Variants in ADGRF1 observed in about 807,000 individuals in gnomAD.
ADGRF1 encodes G protein-coupled receptor 110.
Under a neutral mutation model 87.2 loss-of-function variants are expected in ADGRF1, and 85 were observed. The ratio of observed to expected loss-of-function variants is 0.97; its 90% CI spans 0.82 to 1.17. The LOEUF (loss-of-function observed/expected upper bound fraction) is 1.17, where lower values mean the gene tolerates loss of function less well. Among genes scored for constraint, ADGRF1 ranks in the 50% most tolerant of loss-of-function variants. The pLI is 0.00. For missense variants in ADGRF1, 1,169 were observed against 1,077.2 expected (o/e 1.09, Z -1.19); for synonymous variants, 430 against 408.8 (o/e 1.05, Z -0.63).
intron 4 of ADGRF1, 61 bp downstream of exon 4, chr6:47,025,793 T>C: frequency 6.9e-7 from 1 of 1,455,532 alleles, no homozygotes; most frequent in South Asian, 1.4e-5. Context: ...TAACCCAACC[T>C]AGCCTGACTG....
intron 2 of ADGRF1, 55 bp from the exon 3 acceptor site, chr6:47,027,816 A>G (rs1051143083): frequency 9.7e-7 from 1 of 1,028,098 alleles, no homozygotes; most frequent in Middle Eastern, 2.1e-4. Context: ...TGTGCTTCAT[A>G]AGGCCTTGCT....
intron 14 of ADGRF1, among the ~76,000 whole-genome samples, chr6:47,001,152 G>A (rs530637229): frequency 6.6e-6 from 1 of 152,320 alleles, no homozygotes; most frequent in Non-Finnish European, 1.5e-5. Flanking sequence ...CTGGCACAAA[G>A]GGGTGATTCT....
chr6:47,003,714 A>G (rs1336636388), intron 13 of ADGRF1, among the ~76,000 whole-genome samples: 6 of 152,182 alleles, frequency 3.9e-5, no homozygotes, highest in Non-Finnish European at 7.3e-5. Flanking sequence ...GACTGAACCA[A>G]GATATACCTC....
intron 1 of ADGRF1, among the ~76,000 whole-genome samples, chr6:47,030,935 G>C (rs1488091090): frequency 6.6e-6 from 1 of 151,942 alleles, no homozygotes; most frequent in East Asian, 1.9e-4. Context: ...GCTAATTTTT[G>C]TATTTTTAGT....
Position 47,029,084 on chromosome 6 carries a change from A to C in ADGRF1, c.-23T>G. ...CATTTTCCCTGGACTGAACAGCAGC[A>C]GTCGGGTGCATAGTCTGTGACTAAA... On this transcript the variant is annotated 5_prime_UTR_variant, in exon 2 of 15. Coordinates refer to ENST00000371253, the MANE Select transcript of ADGRF1 (RefSeq NM_153840.4). 6.2e-7 allele frequency: 1 copy of C among 1,603,098 alleles called. No individual in the cohort carries two copies. Among genetic ancestry groups the C allele is most frequent in the Non-Finnish European group, 8.5e-7 (1 of 1,169,976 alleles).
At position 47,010,165 on chromosome 6, in the gene ADGRF1, A is replaced by G. The variant is rs1779663860; in HGVS notation, c.1270T>C (p.Phe424Leu). The change falls in exon 11 of 15, where the codon TTT becomes CTT. Residue 424 changes from phenylalanine to leucine, a missense_variant. Phe to Leu is a conservative substitution (Grantham distance 22, BLOSUM62 0). Transcript: ENST00000371253. ...TTCCAGTCAATGAATTTCCGAGAAAAATTCAGAGGAAGAGCTGTCGGAGGC... is the reference window on the plus strand; with the variant it reads ...TTCCAGTCAATGAATTTCCGAGAAAGATTCAGAGGAAGAGCTGTCGGAGGC... ...LVPPTALPLN[F>L]SRKFIDWKGI... 6.2e-7 allele frequency: 1 copy of G among 1,614,136 alleles called. No individual in the cohort carries two copies. Among genetic ancestry groups the G allele is most frequent in the Non-Finnish European group, 8.5e-7 (1 of 1,180,014 alleles).
chr6:47,019,884 G>A, intron 7 of ADGRF1: 1 of 984,716 alleles, frequency 1.0e-6, no homozygotes, highest in Non-Finnish European at 1.2e-6. Context: ...TAAACAAAAG[G>A]ATAATTTACT....
intron 1 of ADGRF1, 76 bp from the exon 2 acceptor site, chr6:47,029,180 G>A (rs1278814969): frequency 8.8e-6 from 7 of 791,810 alleles, no homozygotes; most frequent in Non-Finnish European, 1.3e-5. Flanking sequence ...AATGCACAAA[G>A]TGGTAAGGCC....
At chr6:47,020,908 G>C (rs1290072091) in intron 6 of ADGRF1, 119 bp from the exon 7 acceptor site, 2 of 748,146 alleles carry the variant, frequency 2.7e-6, no homozygotes, top group Non-Finnish European at 4.6e-6. Context: ...GCAAAGAAAA[G>C]AGACACAGTG....
At chr6:47,000,704 G>A (rs1399615174) in intron 14 of ADGRF1, among the ~76,000 whole-genome samples, 1 of 152,186 alleles carries the variant, frequency 6.6e-6, no homozygotes, top group Non-Finnish European at 1.5e-5. Flanking sequence ...AAGGGTCCGG[G>A]ACAAGCACAT....
rs1416372602 is a variant in ADGRF1 at position 47,009,113 on chromosome 6, AAC to A, written c.2320_2321del (p.Val774TrpfsTer8). ...TGTCATCCCGACTCAGTCTTTCCCC[AAC>A]AGTCGGCCTCCAGAGCTTTGTGAGA... ...LVLTKLWRPTVGERLSRDDKA... is the reference protein window; with the variant it reads ...LVLTKLWRPTXGERLSRDDKA... On this transcript the variant is annotated frameshift_variant, in exon 11 of 15. Transcript: ENST00000371253. LOFTEE classifies it high-confidence loss of function. 1.2e-6 allele frequency: 2 copies of A among 1,614,040 alleles called. No individual in the cohort carries two copies. Among genetic ancestry groups the A allele is most frequent in the Non-Finnish European group, 8.5e-7 (1 of 1,180,022 alleles).
At chr6:47,018,306 A>G (rs1779940376) in intron 7 of ADGRF1, 3 of 994,816 alleles carry the variant, frequency 3.0e-6, no homozygotes, top group African/African-American at 1.7e-5. Flanking sequence ...TAAGCAGTGT[A>G]TCATTCCCAT....
Position 47,022,015 on chromosome 6 carries a change from G to T in ADGRF1, c.495C>A (p.Asp165Glu). Residue 165 changes from aspartate (D) to glutamate (E), a missense_variant, in exon 6 of 15, where the codon GAC becomes GAA. Asp to Glu is a conservative substitution (Grantham distance 45). Transcript: ENST00000371253. The stretch of plus-strand genomic sequence containing the variant: ...ATATAGCAGAAGATGAATTCAAAAG[G>T]TCATTTGTAAACCTTTCATTAATTT... Reference protein sequence around the residue: ...TFKINERFTNDLLNSSSAIYS... With the variant: ...TFKINERFTNELLNSSSAIYS... 1.9e-6 allele frequency: 3 copies of T among 1,592,890 alleles called. No homozygotes were observed. The highest frequency in any genetic ancestry group is 1.2e-5 in the South Asian group (1 of 86,854).
intron 13 of ADGRF1, among the ~76,000 whole-genome samples, chr6:47,004,640 C>CATGTG (rs1204066751): frequency 1.3e-4 from 20 of 152,174 alleles, no homozygotes; most frequent in Non-Finnish European, 2.6e-4. Flanking sequence ...TATGTAGTCA[C>CATGTG]ATGTGCTGTA....
chr6:47,001,711 A>T, intron 13 of ADGRF1, 144 bp from the exon 14 acceptor site: 1 of 629,396 alleles, frequency 1.6e-6, no homozygotes, highest in East Asian at 2.9e-5. Context: ...TAGAATGGTT[A>T]CTTTCTCACT....
chr6:47,006,335 T>C (rs1044290498), intron 12 of ADGRF1, among the ~76,000 whole-genome samples: 12 of 152,282 alleles, frequency 7.9e-5, no homozygotes, highest in Admixed American at 3.3e-4. Context: ...ACAAAGACTA[T>C]ACATCTATTA....
At position 47,009,858 on chromosome 6, in the gene ADGRF1, T is replaced by C; in HGVS notation, c.1577A>G (p.Glu526Gly). 1 of 1,614,058 alleles carries C rather than the reference T, an allele frequency of 6.2e-7. No individual in the cohort carries two copies. Among genetic ancestry groups the C allele is most frequent in the South Asian group, 1.1e-5 (1 of 91,084 alleles). Residue 526 changes from glutamate (E) to glycine (G), a missense_variant, in exon 11 of 15, where the codon GAG becomes GGG. Transcript: ENST00000371253. ...ACAATGAGGCTGGCTCAGGTTTGAC[T>C]CTATCTTGGAAAAAAATAGGAAAAC... The part of the protein sequence containing the change: ...NEVFLFFSKI[E>G]SNLSQPHCVF...
At chr6:47,014,224 G>A (rs533472073) in intron 9 of ADGRF1, 7 of 985,056 alleles carry the variant, frequency 7.1e-6, no homozygotes, top group Middle Eastern at 5.2e-4. Context: ...GTCCATTGCA[G>A]TTCAGTCATT....
At chr6:47,001,057 C>T (rs764682094) in intron 14 of ADGRF1, among the ~76,000 whole-genome samples, 2 of 152,238 alleles carry the variant, frequency 1.3e-5, no homozygotes, top group Non-Finnish European at 2.9e-5. Flanking sequence ...AGGTGTGGCC[C>T]CTTCCTGCCC....
Sources: allele counts gnomAD v4.1 joint callset (sites outside exome capture counted in the v4.1 genomes callset), GRCh38; gene constraint gnomAD v4.1.1; transcripts MANE v1.5; gene names NCBI Gene and HGNC (gene_info 2026-07-23, HGNC 2026-07-21).